Variants in RPS6KA5 observed in about 807,000 individuals in gnomAD.
RPS6KA5 encodes ribosomal protein S6 kinase alpha-5.
In RPS6KA5, 27 loss-of-function variants were observed where a neutral mutation model predicts 85.5. The ratio of observed to expected loss-of-function variants is 0.32; its 90% CI spans 0.23 to 0.44. The LOEUF (loss-of-function observed/expected upper bound fraction) is 0.44. Among genes scored for constraint, RPS6KA5 ranks in the 20% least tolerant of loss-of-function variants. The pLI, the probability that RPS6KA5 is intolerant of heterozygous loss-of-function variation, is 1.00. For synonymous variants in RPS6KA5, 334 were observed against 348.2 expected, an observed-to-expected ratio of 0.96 and a Z score of 0.46; for missense variants, 811 against 980.9, an observed-to-expected ratio of 0.83 and a Z score of 2.31.
At chr14:90,976,602 T>C (rs2039580951) in intron 3 of RPS6KA5, among the ~76,000 whole-genome samples, 1 of 152,156 alleles carries the variant, frequency 6.6e-6, no homozygotes, top group African/African-American at 2.4e-5. Context: ...TACAACAGTC[T>C]TGTTGTTCAT....
intron 3 of RPS6KA5, among the ~76,000 whole-genome samples, chr14:90,969,771 TCA>T (rs1275037540): frequency 6.6e-6 from 1 of 152,210 alleles, no homozygotes; most frequent in Non-Finnish European, 1.5e-5. Flanking sequence ...TTTCTCTCTC[TCA>T]TATTTCTTCT....
intron 12 of RPS6KA5, among the ~76,000 whole-genome samples, chr14:90,895,814 C>T (rs540405297): frequency 9.2e-5 from 14 of 152,228 alleles, no homozygotes; most frequent in African/African-American, 2.6e-4. Context: ...CACTTGAGCT[C>T]GGGAGGTCAA....
In RPS6KA5 at chr14:91,013,012, C is replaced by A. The variant is rs75279269; in HGVS notation, c.104-11853G>T. On this transcript the variant is annotated intron_variant, in intron 1 of 16. Transcript: ENST00000614987. ...CATCCCCTTGTTTGCTCTACTTCTTCTGACCTCTCAGACCCTGTGAACATC... is the reference window on the plus strand; with the variant it reads ...CATCCCCTTGTTTGCTCTACTTCTTATGACCTCTCAGACCCTGTGAACATC... Among the ~76,000 whole-genome samples the A allele has an allele frequency of 6.7e-4, 102 of 152,312 alleles. 1 individual carries two copies. Among genetic ancestry groups the A allele is most frequent in the African/African-American group, 2.4e-3 (98 of 41,568 alleles).
chr14:90,870,056 C>T lies in RPS6KA5; in HGVS notation c.*2018G>A, dbSNP rs1157882197. On this transcript the variant is annotated 3_prime_UTR_variant, in exon 17 of 17. Coordinates refer to ENST00000614987, the MANE Select transcript of RPS6KA5 (RefSeq NM_004755.4). The stretch of plus-strand genomic sequence containing the variant: ...CCAATATTCACAATGAAATCAATCA[C>T]ATCATCAATCTGTATACTGTCTGAC... The T allele has an allele frequency of 6.6e-6, 1 of 152,172 alleles. No homozygotes were observed. The highest frequency in any genetic ancestry group is 2.4e-5 in the African/African-American group (1 of 41,446). 9.4% of individuals were successfully genotyped at this position (152,172 alleles called of 1,614,324 possible).
At chr14:90,965,193 T>C (rs2038998072) in intron 3 of RPS6KA5, among the ~76,000 whole-genome samples, 1 of 152,078 alleles carries the variant, frequency 6.6e-6, no homozygotes, top group African/African-American at 2.4e-5. Flanking sequence ...GAGACCAGCC[T>C]GGCCAACAGG....
chr14:90,967,054 C>T (rs1198049982), intron 3 of RPS6KA5, among the ~76,000 whole-genome samples: 1 of 152,236 alleles, frequency 6.6e-6, no homozygotes, highest in Non-Finnish European at 1.5e-5. Context: ...ATAGGTAGGG[C>T]TAACTCTAAT....
At chr14:90,913,006 G>C (rs1354472917) in intron 7 of RPS6KA5, among the ~76,000 whole-genome samples, 1 of 142,904 alleles carries the variant, frequency 7.0e-6, no homozygotes, top group African/African-American at 2.6e-5. Context: ...CGCCTCCTGA[G>C]TTCAAGTGAT....
intron 7 of RPS6KA5, among the ~76,000 whole-genome samples, chr14:90,917,604 T>C (rs1400426329): frequency 6.6e-6 from 1 of 152,196 alleles, no homozygotes; most frequent in East Asian, 1.9e-4. Flanking sequence ...CTGCTTTTTG[T>C]CACTGTAGGT....
intron 1 of RPS6KA5, among the ~76,000 whole-genome samples, chr14:91,005,501 T>A (rs1300717583): frequency 6.6e-6 from 1 of 152,190 alleles, no homozygotes; most frequent in Non-Finnish European, 1.5e-5. Flanking sequence ...TAGTAAGTAG[T>A]ATCATATTTA....
At chr14:90,922,609 A>C (rs999742616) in intron 6 of RPS6KA5, among the ~76,000 whole-genome samples, 1 of 152,148 alleles carries the variant, frequency 6.6e-6, no homozygotes, top group African/African-American at 2.4e-5. Flanking sequence ...CACCACGCCC[A>C]GCTAATTTTT....
chr14:91,044,329 GAA>G (rs2042733120), intron 1 of RPS6KA5, among the ~76,000 whole-genome samples: 2 of 121,944 alleles, frequency 1.6e-5, no homozygotes, highest in African/African-American at 3.1e-5. Context: ...AAGAGAGAGA[GAA>G]AGATAGACAA....
At chr14:90,898,617 T>C (rs1264916579) in intron 12 of RPS6KA5, among the ~76,000 whole-genome samples, 2 of 152,212 alleles carry the variant, frequency 1.3e-5, no homozygotes, top group Non-Finnish European at 1.5e-5. Flanking sequence ...ACATTCAGGA[T>C]TGGTTTGTGC....
chr14:91,054,792 T>A (rs936286550), intron 1 of RPS6KA5, among the ~76,000 whole-genome samples: 1 of 149,918 alleles, frequency 6.7e-6, no homozygotes, highest in African/African-American at 2.4e-5. Context: ...CTCTATTATT[T>A]AAAAAAAAAA....
chr14:91,001,084 T>C lies in RPS6KA5; in HGVS notation c.175+4A>G. The C allele has an allele frequency of 6.5e-7, 1 of 1,529,826 alleles. No homozygotes were observed. The allele number at this position is 1,529,826 out of a possible 1,614,324, so 94.8% of individuals were successfully genotyped here. ...TCCTTAAATATAATTAACTTAAGAC[T>C]TACCTCCAGTTCCTAGGACCTTCAG... On this transcript the variant is annotated splice_donor_region_variant and intron_variant, in intron 2 of 16. Transcript: ENST00000614987.
rs2032494425 is a variant in RPS6KA5, at chr14:90,860,618, T to C, written c.*11456A>G. On this transcript the variant is annotated 3_prime_UTR_variant, in exon 17 of 17. Coordinates refer to ENST00000614987, the MANE Select transcript of RPS6KA5 (RefSeq NM_004755.4). Reference sequence around the variant, plus strand: ...CAAAAATAAAGGTAACATTGAATTGTATCTGAATGGAATGATTAGATGGGT... The same window carrying C: ...CAAAAATAAAGGTAACATTGAATTGCATCTGAATGGAATGATTAGATGGGT... 6.6e-6 allele frequency: 1 copy of C among 152,158 alleles called. No individual in the cohort carries two copies. The highest frequency in any genetic ancestry group is 1.5e-5 in the Non-Finnish European group (1 of 68,034). 9.4% of individuals were successfully genotyped at this position (152,158 alleles called of 1,614,324 possible).
In RPS6KA5 at chr14:90,906,200, C is replaced by G; in HGVS notation, c.906G>C (p.Leu302Phe). 6.2e-7 allele frequency: 1 copy of G among 1,612,896 alleles called. No individual in the cohort carries two copies. Among genetic ancestry groups the G allele is most frequent in the South Asian group, 1.1e-5 (1 of 90,918 alleles). ...CATCTGCATCACGTGGACCACATCC[C>G]AATCTCTTCTTGGGATCTTTCATCA... ...RLLMKDPKKR[L>F]GCGPRDADEI... is the part of the protein sequence containing the mutation. The change falls in exon 8 of 17, where the codon TTG (leucine) becomes TTC (phenylalanine). Residue 302 changes from leucine (L) to phenylalanine (F), a missense_variant. Around this residue, in one of 3 missense-constraint regions of RPS6KA5, gnomAD observed 650 missense variants for 793.4 expected, o/e 0.82. Coordinates refer to ENST00000614987, the MANE Select transcript of RPS6KA5 (RefSeq NM_004755.4).
At chr14:90,949,942 A>G (rs1481889391) in intron 3 of RPS6KA5, among the ~76,000 whole-genome samples, 1 of 152,240 alleles carries the variant, frequency 6.6e-6, no homozygotes, top group Admixed American at 6.5e-5. Context: ...ACATCATAAA[A>G]TAAGTTATTT....
intron 1 of RPS6KA5, among the ~76,000 whole-genome samples, chr14:91,035,481 G>A (rs117102776): frequency 0.02 from 3,057 of 152,230 alleles, 42 homozygotes; most frequent in Middle Eastern, 0.051. Flanking sequence ...AAGTCAGGAC[G>A]TGGGTGCTTT....
chr14:90,988,401 T>A (rs2040150421), intron 2 of RPS6KA5, among the ~76,000 whole-genome samples: 1 of 152,202 alleles, frequency 6.6e-6, no homozygotes, highest in Admixed American at 6.5e-5. Context: ...ACATAGCATT[T>A]ATTATGTGTC....
Sources: allele counts gnomAD v4.1 joint callset (sites outside exome capture counted in the v4.1 genomes callset), GRCh38; gene constraint gnomAD v4.1.1; regional missense constraint gnomAD v4.1.1; transcripts MANE v1.5; gene names NCBI Gene and HGNC (gene_info 2026-07-23, HGNC 2026-07-21).